Variants in CDKAL1 observed in about 807,000 individuals in gnomAD.
CDKAL1 encodes the protein CDKAL1 threonylcarbamoyladenosine tRNA methylthiotransferase.
Under a neutral mutation model 68.2 loss-of-function variants are expected in CDKAL1, and 32 were observed. That is an observed-to-expected ratio of 0.47 (90% CI 0.35 to 0.63). The LOEUF (loss-of-function observed/expected upper bound fraction) is 0.63, where lower values mean the gene tolerates loss of function less well. Ranked by LOEUF, CDKAL1 falls within the 30% of genes least tolerant of loss-of-function variation. The pLI is 0.00. For synonymous variants in CDKAL1, 234 were observed against 244.3 expected (o/e 0.96, Z 0.39); for missense variants, 606 against 696.7 (o/e 0.87, Z 1.47).
chr6:20,586,889 C>T (rs183369232), intron 4 of CDKAL1, among the ~76,000 whole-genome samples: 27 of 152,094 alleles, frequency 1.8e-4, no homozygotes, highest in African/African-American at 5.3e-4. Context: ...CTACCACTGC[C>T]GCCCTCATTT....
At chr6:21,005,028 C>T (rs768410200) in intron 11 of CDKAL1, among the ~76,000 whole-genome samples, 45 of 151,384 alleles carry the variant, frequency 3.0e-4, no homozygotes, top group Admixed American at 6.6e-4. Context: ...TTCATTGTCA[C>T]ATAACTGATG....
intron 9 of CDKAL1, among the ~76,000 whole-genome samples, chr6:20,875,380 A>G (rs1211172434): frequency 1.3e-5 from 2 of 151,542 alleles, no homozygotes; most frequent in African/African-American, 4.9e-5. Context: ...CCAAGTAAGC[A>G]CTGAGCATTT....
intron 9 of CDKAL1, among the ~76,000 whole-genome samples, chr6:20,947,794 T>C (rs75895784): frequency 0.087 from 13,222 of 152,114 alleles, 936 homozygotes; most frequent in African/African-American, 0.2. Flanking sequence ...TGTTGAATAC[T>C]GTATTGAAAA....
intron 11 of CDKAL1, among the ~76,000 whole-genome samples, chr6:21,014,725 C>A (rs889469035): frequency 6.6e-6 from 1 of 151,984 alleles, no homozygotes; most frequent in Non-Finnish European, 1.5e-5. Flanking sequence ...AGCATCAATA[C>A]CGAATTTTGC....
At chr6:20,847,224 A>T (rs1368791128) in intron 9 of CDKAL1, among the ~76,000 whole-genome samples, 1 of 152,186 alleles carries the variant, frequency 6.6e-6, no homozygotes, top group Non-Finnish European at 1.5e-5. Context: ...AGAGAGAAAT[A>T]AAGGACATTT....
chr6:20,861,439 A>G lies in CDKAL1; in HGVS notation c.742+15261A>G, dbSNP rs1422549318. ...CTTTTGGCATAAAAATTATTTAAAT[A>G]TTTAATTTTAGTTGATTTTATAGGT... is the stretch of plus-strand genomic sequence containing the variant. On this transcript the variant is annotated intron_variant, in intron 9 of 15. Coordinates refer to ENST00000274695, the MANE Select transcript of CDKAL1 (RefSeq NM_017774.3). Among the ~76,000 whole-genome samples, 4 of 152,234 alleles carry G rather than the reference A, an allele frequency of 2.6e-5. No homozygotes were observed. The South Asian group carries it at 6.2e-4, about 24-fold the overall frequency.
intron 8 of CDKAL1, among the ~76,000 whole-genome samples, chr6:20,790,676 A>C (rs191409213): frequency 1.1e-4 from 17 of 152,306 alleles, no homozygotes; most frequent in Admixed American, 1.1e-3. Context: ...CACATCCAAG[A>C]AGCATGAGCT....
intron 7 of CDKAL1, among the ~76,000 whole-genome samples, chr6:20,769,389 G>T (rs771010459): frequency 1.3e-5 from 2 of 151,222 alleles, no homozygotes; most frequent in Non-Finnish European, 2.9e-5. Flanking sequence ...CTCCCAAGTA[G>T]CTGGGATTAC....
chr6:20,545,626 G>A (rs1302008305), intron 2 of CDKAL1, among the ~76,000 whole-genome samples: 1 of 152,044 alleles, frequency 6.6e-6, no homozygotes, highest in African/African-American at 2.4e-5. Context: ...AAAAGAGATG[G>A]GGTTTCACCA....
At chr6:21,156,442 A>AAAAG (rs61298491) in intron 13 of CDKAL1, among the ~76,000 whole-genome samples, 2 of 150,754 alleles carry the variant, frequency 1.3e-5, no homozygotes, top group Non-Finnish European at 3.0e-5. Context: ...AAAAAAAAAA[A>AAAAG]GGAAAAATAA....
At chr6:20,613,420 A>G (rs1766737867) in intron 4 of CDKAL1, among the ~76,000 whole-genome samples, 1 of 150,236 alleles carries the variant, frequency 6.7e-6, no homozygotes, top group Non-Finnish European at 1.5e-5. Context: ...GATTACAAGC[A>G]TGTGCCACCA....
intron 6 of CDKAL1, among the ~76,000 whole-genome samples, chr6:20,745,957 T>C (rs1773648251): frequency 6.6e-6 from 1 of 152,236 alleles, no homozygotes; most frequent in Admixed American, 6.5e-5. Flanking sequence ...ATCTTTTAAT[T>C]TGCAACATGT....
chr6:20,728,288 G>A (rs1053653352), intron 5 of CDKAL1, among the ~76,000 whole-genome samples: 3 of 152,068 alleles, frequency 2.0e-5, no homozygotes, highest in African/African-American at 7.2e-5. Flanking sequence ...TGCACGATAG[G>A]CACAAAATAA....
chr6:21,187,535 C>CT (rs1778063586), intron 13 of CDKAL1, among the ~76,000 whole-genome samples: 1 of 152,108 alleles, frequency 6.6e-6, no homozygotes, highest in Non-Finnish European at 1.5e-5. Context: ...ACACCCACAC[C>CT]TTTTTTTCTT....
chr6:20,582,702 C>T (rs1765188175), intron 4 of CDKAL1, among the ~76,000 whole-genome samples: 1 of 152,108 alleles, frequency 6.6e-6, no homozygotes, highest in Non-Finnish European at 1.5e-5. Context: ...CCTGTAGAAG[C>T]ATGTATGTTG....
chr6:21,063,951 A>G (rs1462443579), intron 11 of CDKAL1, among the ~76,000 whole-genome samples: 2 of 152,188 alleles, frequency 1.3e-5, no homozygotes, highest in African/African-American at 4.8e-5. Flanking sequence ...TAAAGACCCA[A>G]TCCAAGGCAT....
intron 13 of CDKAL1, 35 bp from the exon 14 acceptor site, chr6:21,197,986 A>T (rs760361180): frequency 7.2e-7 from 1 of 1,393,524 alleles, no homozygotes; most frequent in Non-Finnish European, 1.0e-6. Context: ...GTTTACCCTT[A>T]TCTTTCCTTT....
At chr6:21,206,007 T>G (rs919082030) in intron 15 of CDKAL1, among the ~76,000 whole-genome samples, 1 of 150,712 alleles carries the variant, frequency 6.6e-6, no homozygotes, top group Admixed American at 6.6e-5. Context: ...GCTAATTTTT[T>G]TTTTTTCTTT....
At chr6:20,968,369 G>T (rs192008986) in intron 10 of CDKAL1, among the ~76,000 whole-genome samples, 133 of 151,994 alleles carry the variant, frequency 8.8e-4, no homozygotes, top group Middle Eastern at 3.4e-3. Context: ...GTGTTTTCCA[G>T]GTTGGTCTTG....
Sources: gnomAD v4.1 joint callset for allele counts (sites outside exome capture counted in the v4.1 genomes callset) on GRCh38, gnomAD v4.1.1 for gene constraint, MANE v1.5 for transcripts, NCBI Gene and HGNC (gene_info 2026-07-23, HGNC 2026-07-21) for gene names.